The following SPIDR variants were observed in gnomAD, a reference collection of about 807,000 sequenced individuals.
SPIDR encodes the protein DNA repair-scaffolding protein.
SPIDR carries 93 observed loss-of-function variants against 104.6 expected under a neutral mutation model. That is an observed-to-expected ratio of 0.89 (90% CI 0.75 to 1.06). The LOEUF is 1.06. Ranked by LOEUF, SPIDR falls within the 50% of genes least tolerant of loss-of-function variation. The pLI is 0.00. For synonymous variants in SPIDR, 431 were observed against 416.9 expected (o/e 1.03, Z -0.41); for missense variants, 1,154 against 1,111.2 (o/e 1.04, Z -0.55).
At chr8:47,396,247 A>G in intron 5 of SPIDR, 129 bp from the exon 6 acceptor site, 1 of 768,930 alleles carries the variant, frequency 1.3e-6, no homozygotes, top group South Asian at 1.9e-5. Flanking sequence ...AGCTGCAGAT[A>G]CTGTATTCAA....
intron 8 of SPIDR, among the ~76,000 whole-genome samples, chr8:47,495,225 A>G (rs1443548484): frequency 6.6e-6 from 1 of 152,016 alleles, no homozygotes; most frequent in Non-Finnish European, 1.5e-5. Context: ...GCTGGCTTTT[A>G]CTAAATGAAT....
At chr8:47,315,441 G>C (rs1306725416) in intron 5 of SPIDR, among the ~76,000 whole-genome samples, 4 of 152,134 alleles carry the variant, frequency 2.6e-5, no homozygotes, top group African/African-American at 9.7e-5. Context: ...ATATTTGGAA[G>C]TTAAACAGCA....
chr8:47,504,101 C>A (rs75515904), intron 8 of SPIDR, among the ~76,000 whole-genome samples: 1 of 152,174 alleles, frequency 6.6e-6, no homozygotes, highest in African/African-American at 2.4e-5. Flanking sequence ...GTGAATCTGA[C>A]AATTATGTGT....
chr8:47,717,038 GC>G (rs1475712087), intron 16 of SPIDR, among the ~76,000 whole-genome samples: 1 of 152,182 alleles, frequency 6.6e-6, no homozygotes, highest in African/African-American at 2.4e-5. Context: ...GCCCACGTGA[GC>G]CAGCGTGGAG....
intron 5 of SPIDR, among the ~76,000 whole-genome samples, chr8:47,327,654 C>A (rs1019750734): frequency 1.3e-5 from 2 of 152,124 alleles, no homozygotes; most frequent in East Asian, 3.9e-4. Flanking sequence ...CCTCCACCTC[C>A]TGTGTTTAAG....
At chr8:47,642,952 C>G (rs1205233184) in intron 10 of SPIDR, among the ~76,000 whole-genome samples, 1 of 152,072 alleles carries the variant, frequency 6.6e-6, no homozygotes, top group Admixed American at 6.5e-5. Flanking sequence ...ACAAATATTG[C>G]AAATTTTTGC....
intron 7 of SPIDR, among the ~76,000 whole-genome samples, chr8:47,412,434 T>A (rs1218668175): frequency 2.0e-5 from 3 of 152,176 alleles, no homozygotes; most frequent in African/African-American, 7.2e-5. Context: ...AGGCTGGCGG[T>A]CATTCTCTGT....
intron 8 of SPIDR, among the ~76,000 whole-genome samples, chr8:47,444,324 G>C (rs926617275): frequency 5.3e-5 from 8 of 152,212 alleles, no homozygotes; most frequent in Non-Finnish European, 1.0e-4. Context: ...GGGCAGGTGA[G>C]AGGTTAAGTG....
At chr8:47,420,821 A>T (rs553474879) in intron 7 of SPIDR, among the ~76,000 whole-genome samples, 33 of 152,306 alleles carry the variant, frequency 2.2e-4, no homozygotes, top group African/African-American at 7.9e-4. Flanking sequence ...TGGTGACAAA[A>T]TCTCCCAACA....
At chr8:47,599,518 C>G (rs1481272767) in intron 10 of SPIDR, among the ~76,000 whole-genome samples, 1 of 152,142 alleles carries the variant, frequency 6.6e-6, no homozygotes, top group Non-Finnish European at 1.5e-5. Flanking sequence ...TGTCATACCT[C>G]AAAAGACCAT....
chr8:47,362,447 C>T (rs2056216136), intron 5 of SPIDR, among the ~76,000 whole-genome samples: 1 of 152,180 alleles, frequency 6.6e-6, no homozygotes, highest in African/African-American at 2.4e-5. Context: ...GTGTCATCTC[C>T]AGCATTTCCT....
intron 10 of SPIDR, among the ~76,000 whole-genome samples, chr8:47,622,255 A>G (rs182339729): frequency 5.3e-5 from 8 of 152,336 alleles, no homozygotes; most frequent in Admixed American, 2.0e-4. Context: ...AAAAAGGTCT[A>G]AAGATGGCTT....
chr8:47,322,165 G>T (rs1435849232), intron 5 of SPIDR, among the ~76,000 whole-genome samples: 1 of 152,138 alleles, frequency 6.6e-6, no homozygotes, highest in East Asian at 1.9e-4. Context: ...GCAACCTACA[G>T]AATGGGAGAA....
intron 8 of SPIDR, among the ~76,000 whole-genome samples, chr8:47,580,402 A>G (rs1382529399): frequency 6.6e-6 from 1 of 152,172 alleles, no homozygotes; most frequent in Non-Finnish European, 1.5e-5. Context: ...ACTCTGCATC[A>G]ATTCATTAAT....
At chr8:47,287,019 G>A (rs2038971510) in intron 3 of SPIDR, among the ~76,000 whole-genome samples, 1 of 152,166 alleles carries the variant, frequency 6.6e-6, no homozygotes, top group South Asian at 2.1e-4. Context: ...GAAATAAAGA[G>A]AAAGAGTACA....
chr8:47,628,672 A>G (rs774419757), intron 10 of SPIDR, among the ~76,000 whole-genome samples: 5 of 152,232 alleles, frequency 3.3e-5, no homozygotes, highest in African/African-American at 9.6e-5. Context: ...TATTATGTCT[A>G]TGCAAATATT....
intron 5 of SPIDR, among the ~76,000 whole-genome samples, chr8:47,307,316 G>T (rs1289569653): frequency 6.6e-6 from 1 of 150,966 alleles, no homozygotes; most frequent in Non-Finnish European, 1.5e-5. Flanking sequence ...TGCCTCCTGG[G>T]TTCAAGCAGT....
chr8:47,275,222 GCA>G (rs2036163697), intron 1 of SPIDR, among the ~76,000 whole-genome samples: 1 of 151,592 alleles, frequency 6.6e-6, no homozygotes, highest in African/African-American at 2.4e-5. Flanking sequence ...TTGCGCCACT[GCA>G]CTCCAGCCTG....
intron 3 of SPIDR, among the ~76,000 whole-genome samples, chr8:47,288,895 A>G (rs1402843756): frequency 6.6e-6 from 1 of 152,176 alleles, no homozygotes; most frequent in Non-Finnish European, 1.5e-5. Flanking sequence ...AAAGTGGAAC[A>G]TTCCATTTTT....
Sources: gnomAD v4.1 joint callset for allele counts (sites outside exome capture counted in the v4.1 genomes callset) on GRCh38, gnomAD v4.1.1 for gene constraint, MANE v1.5 for transcripts, NCBI Gene and HGNC (gene_info 2026-07-23, HGNC 2026-07-21) for gene names.